ANTXR1: variants seen among roughly 807,000 people sequenced by gnomAD.
The protein encoded by ANTXR1 is anthrax toxin receptor 1.
ANTXR1 carries 19 observed loss-of-function variants against 78.1 expected under a neutral mutation model. The observed-to-expected ratio is 0.24, with a 90% CI of 0.17 to 0.36. The LOEUF is 0.36. Ranked by LOEUF, ANTXR1 falls within the 10% of genes least tolerant of loss-of-function variation. The probability of loss-of-function intolerance (pLI) is 1.00; values close to 1 mark genes in which losing one functional copy is unlikely to be tolerated. For missense variants in ANTXR1, 518 were observed against 718.6 expected (o/e 0.72, Z 3.19); for synonymous variants, 273 against 260.5 (o/e 1.05, Z -0.46).
intron 16 of ANTXR1, among the ~76,000 whole-genome samples, chr2:69,186,974 A>G (rs1380115140): frequency 3.3e-5 from 5 of 152,234 alleles, no homozygotes; most frequent in Non-Finnish European, 5.9e-5. Context: ...AAGGAGAACA[A>G]CAGCTCTACC....
rs573498043 is a variant in ANTXR1, at chr2:69,160,531, G to GT, written c.1047+8271dup. ...CCCTTTCAAGATTCCCTGGTCTGTGGTTTTCAAACCTGGTTGCATACTGAA... is the reference window on the plus strand; with the variant it reads ...CCCTTTCAAGATTCCCTGGTCTGTGGTTTTTCAAACCTGGTTGCATACTGAA... On this transcript the variant is annotated intron_variant, in intron 13 of 17. Coordinates refer to ENST00000303714, the MANE Select transcript of ANTXR1 (RefSeq NM_032208.3). Among the ~76,000 whole-genome samples the GT allele has an allele frequency of 1.2e-3, 184 of 152,168 alleles. 7 individuals carry two copies. In the South Asian group the frequency reaches 0.035, roughly 29 times the overall value.
chr2:69,186,906 G>T (rs1674429161), intron 16 of ANTXR1, among the ~76,000 whole-genome samples: 1 of 152,182 alleles, frequency 6.6e-6, no homozygotes, highest in African/African-American at 2.4e-5. Context: ...ATGGGGGCCG[G>T]CAGGTCAGGG....
At chr2:69,062,223 G>C (rs1366657365) in intron 3 of ANTXR1, among the ~76,000 whole-genome samples, 1 of 152,104 alleles carries the variant, frequency 6.6e-6, no homozygotes, top group Non-Finnish European at 1.5e-5. Context: ...AAATGAAAAA[G>C]AAATATCTCA....
intron 17 of ANTXR1, among the ~76,000 whole-genome samples, chr2:69,206,068 CCA>C (rs1427321062): frequency 6.6e-6 from 1 of 152,092 alleles, no homozygotes; most frequent in Non-Finnish European, 1.5e-5. Context: ...CGTTGAGAAT[CCA>C]CAGTGATGAC....
Position 69,206,612 on chromosome 2 carries a change from C to A in ANTXR1, c.1434+13197C>A, listed in dbSNP as rs989122040. On this transcript the variant is annotated intron_variant, in intron 17 of 17. Transcript: ENST00000303714. ...GCAAGCTTAGCAGAGTTCCTGAAGCCATTGCTTTAGTGTCCCACCACATCT... is the reference window on the plus strand; with the variant it reads ...GCAAGCTTAGCAGAGTTCCTGAAGCAATTGCTTTAGTGTCCCACCACATCT... Among the ~76,000 whole-genome samples, 4 of 152,160 alleles carry A rather than the reference C, an allele frequency of 2.6e-5. No homozygotes were observed. In the South Asian group the frequency reaches 8.3e-4, roughly 31 times the overall value.
intron 17 of ANTXR1, among the ~76,000 whole-genome samples, chr2:69,236,138 G>A (rs1675758022): frequency 6.6e-6 from 1 of 151,956 alleles, no homozygotes; most frequent in African/African-American, 2.4e-5. Flanking sequence ...ATTTGGGTGG[G>A]GACACAAAAC....
intron 17 of ANTXR1, among the ~76,000 whole-genome samples, chr2:69,210,671 C>T (rs1675018227): frequency 6.6e-6 from 1 of 152,144 alleles, no homozygotes; most frequent in Non-Finnish European, 1.5e-5. Flanking sequence ...TATGCTGGCT[C>T]AGGCCTGTAA....
At chr2:69,125,677 C>T (rs562740731) in intron 12 of ANTXR1, among the ~76,000 whole-genome samples, 2 of 151,782 alleles carry the variant, frequency 1.3e-5, no homozygotes, top group Admixed American at 6.6e-5. Context: ...CCTATCTCTA[C>T]AAAAAAAACA....
intron 12 of ANTXR1, among the ~76,000 whole-genome samples, chr2:69,147,858 G>A (rs1465788263): frequency 6.6e-6 from 1 of 152,234 alleles, no homozygotes; most frequent in African/African-American, 2.4e-5. Flanking sequence ...CTACAAGGCT[G>A]TTTTACCGAG....
intron 17 of ANTXR1, among the ~76,000 whole-genome samples, chr2:69,222,607 G>A (rs1487751204): frequency 6.6e-6 from 1 of 152,146 alleles, no homozygotes; most frequent in African/African-American, 2.4e-5. Context: ...ACAGCAGACC[G>A]GAAGGGGGCT....
Position 69,220,213 on chromosome 2 carries a change from AC to A in ANTXR1, c.1435-25010del, listed in dbSNP as rs144678548. 8.7e-3 allele frequency among the ~76,000 whole-genome samples: 1,332 copies of A among 152,292 alleles called. 36 individuals are homozygous for A. In the East Asian group the frequency reaches 0.096, roughly 11 times the overall value. Reference sequence around the variant, plus strand: ...AAAGAAACATTGGTTCTGTGCCCTGACCTTCCTCTTTGTGGCTCAGATTTTC... The same window carrying A: ...AAAGAAACATTGGTTCTGTGCCCTGACTTCCTCTTTGTGGCTCAGATTTTC... On this transcript the variant is annotated intron_variant, in intron 17 of 17. Coordinates refer to ENST00000303714, the MANE Select transcript of ANTXR1 (RefSeq NM_032208.3).
rs762418679 is a variant in ANTXR1, at chr2:69,136,154, TTC to T, written c.951+11515_951+11516del. On this transcript the variant is annotated intron_variant, in intron 12 of 17. Coordinates refer to ENST00000303714, the MANE Select transcript of ANTXR1 (RefSeq NM_032208.3). ...GATACATCTGAAATGCAATGAAATA[TTC>T]TCTGTCAGTCTGTACTGTACCAAAA... Among the ~76,000 whole-genome samples the T allele has an allele frequency of 3.9e-5, 6 of 152,274 alleles. No homozygotes were observed. The East Asian group carries it at 7.7e-4, about 20-fold the overall frequency.
rs779713234 is a variant in ANTXR1, at chr2:69,246,432, C to T, written c.*947C>T. ...ACATAAGTTGATCTTCCCAAAATAC[C>T]ATCATTAGGACCTATCACACAATAT... On this transcript the variant is annotated 3_prime_UTR_variant, in exon 18 of 18. Coordinates refer to ENST00000303714, the MANE Select transcript of ANTXR1 (RefSeq NM_032208.3). The T allele has an allele frequency of 6.6e-6, 1 of 152,114 alleles. No individual in the cohort carries two copies. 9.4% of individuals were successfully genotyped at this position (152,114 alleles called of 1,614,324 possible).
chr2:69,159,432 A>T (rs1486756918), intron 13 of ANTXR1, among the ~76,000 whole-genome samples: 2 of 152,144 alleles, frequency 1.3e-5, no homozygotes, highest in Admixed American at 1.3e-4. Context: ...AAGTTCCGGA[A>T]ATTAGTTGCA....
At chr2:69,159,141 A>G (rs1187310150) in intron 13 of ANTXR1, among the ~76,000 whole-genome samples, 1 of 152,204 alleles carries the variant, frequency 6.6e-6, no homozygotes, top group African/African-American at 2.4e-5. Context: ...GCAATATTTT[A>G]TATGTATCTA....
intron 12 of ANTXR1, among the ~76,000 whole-genome samples, chr2:69,138,702 C>T (rs372591101): frequency 2.0e-5 from 3 of 152,172 alleles, no homozygotes; most frequent in African/African-American, 4.8e-5. Flanking sequence ...CTGGAACAGA[C>T]GTTAGTTTAG....
chr2:69,227,202 G>A (rs535810691), intron 17 of ANTXR1, among the ~76,000 whole-genome samples: 2 of 152,244 alleles, frequency 1.3e-5, no homozygotes, highest in South Asian at 2.1e-4. Flanking sequence ...TCTGACATCA[G>A]CCAGAATACT....
rs746029582 is a variant in ANTXR1 at position 69,124,649 on chromosome 2, T to A, written c.951+6T>A. The A allele has an allele frequency of 6.2e-7, 1 of 1,613,696 alleles. No individual in the cohort carries two copies. Among genetic ancestry groups the A allele is most frequent in the Admixed American group, 1.7e-5 (1 of 60,028 alleles). ...TCATCACCACCACACACTGTGTAAG[T>A]CATAACCTTTCCCTTTACTAAAGAT... is the stretch of plus-strand genomic sequence containing the variant. On this transcript the variant is annotated splice_donor_region_variant and intron_variant, in intron 12 of 17. Transcript: ENST00000303714.
chr2:69,161,196 G>A (rs150300874), intron 13 of ANTXR1, among the ~76,000 whole-genome samples: 1 of 152,118 alleles, frequency 6.6e-6, no homozygotes, highest in Non-Finnish European at 1.5e-5. Context: ...AGTGACACTG[G>A]CATACCATCT....
Sources: gnomAD v4.1 joint callset for allele counts (sites outside exome capture counted in the v4.1 genomes callset) on GRCh38, gnomAD v4.1.1 for gene constraint, MANE v1.5 for transcripts, NCBI Gene and HGNC (gene_info 2026-07-23, HGNC 2026-07-21) for gene names.